Variants in ARSG observed in about 807,000 individuals in gnomAD.
ARSG encodes the protein arylsulfatase G.
A neutral mutation model predicts 50.5 loss-of-function variants in ARSG; 37 were observed. That is an observed-to-expected ratio of 0.73 (90% CI 0.56 to 0.96). ARSG has a LOEUF of 0.96. ARSG is among the 50% of genes least tolerant of loss of function. The probability of loss-of-function intolerance (pLI) is 0.00; values close to 1 mark genes in which losing one functional copy is unlikely to be tolerated. For synonymous variants in ARSG, 225 were observed against 254.6 expected (o/e 0.88, Z 1.11); for missense variants, 629 against 675.3 (o/e 0.93, Z 0.76).
At chr17:68,360,405 C>A (rs1034529607) in intron 6 of ARSG, among the ~76,000 whole-genome samples, 2 of 152,262 alleles carry the variant, frequency 1.3e-5, no homozygotes, top group Admixed American at 1.3e-4. Flanking sequence ...TTTTTCAAAA[C>A]CACCAGCTGT....
chr17:68,355,713 A>T (rs2079002457), intron 5 of ARSG, among the ~76,000 whole-genome samples: 4 of 150,250 alleles, frequency 2.7e-5, no homozygotes, highest in Admixed American at 2.6e-4. Flanking sequence ...AAGTATTGGG[A>T]TTACAGGCGT....
At chr17:68,421,736 TAGG>T, downstream of ARSG, 2 of 1,613,970 alleles carry the variant, frequency 1.2e-6, no homozygotes, top group Non-Finnish European at 1.7e-6. Context: ...AACCACCTGA[TAGG>T]GGGGATGTCC....
At chr17:68,433,778 T>TG in the ARSG span, among the ~76,000 whole-genome samples, 1 of 65,754 alleles carries the variant, frequency 1.5e-5, no homozygotes, top group East Asian at 2.6e-4. Context: ...TTTTTTTTTT[T>TG]TTTTTTTTTT....
rs139958474 is a variant in ARSG, at chr17:68,369,161, G to A, written c.901+417G>A. ...CGTCTTTTGGCTGAGTGGCCTTAGC[G>A]AGCTGAACTAGTGGCCTCTTTAAAG... On this transcript the variant is annotated intron_variant, in intron 7 of 11. Coordinates refer to ENST00000621439, the MANE Select transcript of ARSG (RefSeq NM_001267727.2). Among the ~76,000 whole-genome samples the A allele has an allele frequency of 4.4e-4, 67 of 152,288 alleles. 3 individuals are homozygous for A. The highest frequency in any genetic ancestry group is 3.8e-3 in the Admixed American group (58 of 15,294).
chr17:68,451,886 T>C, the ARSG span, among the ~76,000 whole-genome samples: 1 of 152,220 alleles, frequency 6.6e-6, no homozygotes. Context: ...GCACATTCTT[T>C]TCATATGTGT....
At chr17:68,437,488 A>C in the ARSG span, among the ~76,000 whole-genome samples, 2 of 151,572 alleles carry the variant, frequency 1.3e-5, no homozygotes, top group African/African-American at 2.4e-5. Context: ...CTGGAGGTGG[A>C]GGCTGCAGTG....
chr17:68,443,585 C>T, the ARSG span, among the ~76,000 whole-genome samples: 2 of 152,138 alleles, frequency 1.3e-5, no homozygotes, highest in Non-Finnish European at 2.9e-5. Context: ...TAATTCTCAG[C>T]CAACCCTGGG....
intron 6 of ARSG, among the ~76,000 whole-genome samples, chr17:68,360,855 G>A (rs1020849319): frequency 3.9e-5 from 6 of 152,030 alleles, no homozygotes; most frequent in Non-Finnish European, 8.8e-5. Flanking sequence ...ACTGAGTCTC[G>A]CTCTTGTCAC....
chr17:68,275,981 T>C (rs1429998005), intron 1 of ARSG, among the ~76,000 whole-genome samples: 4 of 146,092 alleles, frequency 2.7e-5, no homozygotes, highest in Non-Finnish European at 6.0e-5. Flanking sequence ...AGACTCCGTC[T>C]CAAAAAAAAA....
At chr17:68,384,979 G>C in intron 8 of ARSG, 85 bp from the exon 9 acceptor site, 1 of 1,087,800 alleles carries the variant, frequency 9.2e-7, no homozygotes, top group Non-Finnish European at 1.4e-6. Context: ...CTCAGAGAGG[G>C]GTTCTCCCAG....
At chr17:68,374,769 T>TTGAAC (rs1413272697) in intron 8 of ARSG, among the ~76,000 whole-genome samples, 1 of 151,278 alleles carries the variant, frequency 6.6e-6, no homozygotes, top group Non-Finnish European at 1.5e-5. Context: ...GGAGAATCAC[T>TTGAAC]TGAACCTGGG....
downstream of ARSG, chr17:68,421,073 A>G (rs2082738684): frequency 6.4e-6 from 1 of 155,110 alleles, no homozygotes; most frequent in Admixed American, 6.3e-5. Context: ...CTACATTTCT[A>G]TCAAACAATG....
chr17:68,294,981 A>G (rs1378364437), intron 1 of ARSG, among the ~76,000 whole-genome samples: 1 of 152,192 alleles, frequency 6.6e-6, no homozygotes, highest in African/African-American at 2.4e-5. Context: ...TAATAATACT[A>G]CAGAGTTGTG....
chr17:68,426,618 C>T (rs765086708), downstream of ARSG, among the ~76,000 whole-genome samples: 40 of 152,154 alleles, frequency 2.6e-4, no homozygotes, highest in South Asian at 6.2e-4. Flanking sequence ...CTGCAATCTC[C>T]GCCTCTCTGG....
Position 68,326,199 on chromosome 17 carries a change from C to G in ARSG, c.219-17405C>G, listed in dbSNP as rs569058958. On this transcript the variant is annotated intron_variant, in intron 2 of 11. Transcript: ENST00000621439. The stretch of plus-strand genomic sequence containing the variant: ...ATATGATAAGGGTTAGGGACAAACT[C>G]GAACAGTGCTGCTGCAGGTGTAGCC... Among the ~76,000 whole-genome samples the G allele has an allele frequency of 2.9e-4, 44 of 152,284 alleles. No individual in the cohort carries two copies. The South Asian group carries it at 7.9e-3, about 27-fold the overall frequency.
chr17:68,293,100 G>A (rs2145283404), intron 1 of ARSG, among the ~76,000 whole-genome samples: 1 of 152,300 alleles, frequency 6.6e-6, no homozygotes, highest in African/African-American at 2.4e-5. Context: ...CTGTGAGAGA[G>A]AGCCCTTTTT....
chr17:68,426,513 C>T (rs562308804), downstream of ARSG, among the ~76,000 whole-genome samples: 50 of 152,226 alleles, frequency 3.3e-4, no homozygotes, highest in African/African-American at 9.4e-4. Flanking sequence ...GCTAGGACTA[C>T]AGGCTCTTTG....
intron 9 of ARSG, among the ~76,000 whole-genome samples, chr17:68,386,358 G>A (rs1044539715): frequency 1.2e-4 from 19 of 152,178 alleles, no homozygotes; most frequent in Admixed American, 7.9e-4. Context: ...GAGTTCTGGC[G>A]TAAAGAACAC....
At chr17:68,426,254 G>GGGGGGGGGGGGGGGGGGGGT, downstream of ARSG, 3 of 816,924 alleles carry the variant, frequency 3.7e-6, 1 homozygote, top group Non-Finnish European at 5.8e-6. Context: ...GGGAGCGGGG[G>GGGGGGGGGGGGGGGGGGGGT]CTCAAATAAA....
Sources: gnomAD v4.1 joint callset for allele counts (sites outside exome capture counted in the v4.1 genomes callset) on GRCh38, gnomAD v4.1.1 for gene constraint, MANE v1.5 for transcripts, NCBI Gene and HGNC (gene_info 2026-07-23, HGNC 2026-07-21) for gene names.